The following STEAP3 variants were observed in gnomAD, a reference collection of about 807,000 sequenced individuals.
STEAP3 encodes STEAP3 metalloreductase, also known as metalloreductase STEAP3.
A neutral mutation model predicts 34.9 loss-of-function variants in STEAP3; 35 were observed. That is an observed-to-expected ratio of 1.00 (90% confidence interval 0.76 to 1.33). The LOEUF (loss-of-function observed/expected upper bound fraction) is 1.33. Among genes scored for constraint, STEAP3 ranks in the 40% most tolerant of loss-of-function variants. The pLI, the probability that STEAP3 is intolerant of heterozygous loss-of-function variation, is 0.00. For missense variants in STEAP3, 652 were observed against 667.6 expected (o/e 0.98, Z 0.26); for synonymous variants, 281 against 301.6 (o/e 0.93, Z 0.71).
At chr2:119,244,283 A>G (rs1167474715) in intron 2 of STEAP3, 1 of 146,582 alleles carries the variant, frequency 6.8e-6, no homozygotes, top group African/African-American at 2.5e-5. Flanking sequence ...TTGCTCTGTC[A>G]CCCAAACTGG....
At chr2:119,224,307 C>G (rs1222544239) in intron 1 of STEAP3, among the ~76,000 whole-genome samples, 1 of 152,220 alleles carries the variant, frequency 6.6e-6, no homozygotes, top group Non-Finnish European at 1.5e-5. Flanking sequence ...CTTCCAGGCT[C>G]TTCCTCGCCA....
intron 2 of STEAP3, among the ~76,000 whole-genome samples, chr2:119,238,347 G>A (rs1215088644): frequency 6.6e-6 from 1 of 152,216 alleles, no homozygotes; most frequent in African/African-American, 2.4e-5. Flanking sequence ...TAGTGGGTGT[G>A]AAGTGGTATC....
At chr2:119,240,020 CA>C (rs148134933) in intron 2 of STEAP3, among the ~76,000 whole-genome samples, 4 of 151,914 alleles carry the variant, frequency 2.6e-5, no homozygotes, top group African/African-American at 7.3e-5. Context: ...ACTGACCAGA[CA>C]AAAAAAATTT....
intron 1 of STEAP3, among the ~76,000 whole-genome samples, chr2:119,229,112 G>GC: frequency 6.6e-6 from 1 of 152,178 alleles, no homozygotes; most frequent in Middle Eastern, 3.4e-3. Context: ...CACTTAAACT[G>GC]CCCGGGCGAT....
At chr2:119,249,066 G>A (rs1284506447) in intron 4 of STEAP3, 2 of 152,384 alleles carry the variant, frequency 1.3e-5, no homozygotes, top group African/African-American at 4.8e-5. Flanking sequence ...TCTGGGGTTT[G>A]GGTCTGAGCA....
chr2:119,264,807 C>G lies in STEAP3; in HGVS notation c.*1469C>G, dbSNP rs767279407. On this transcript the variant is annotated 3_prime_UTR_variant, in exon 6 of 6. Coordinates refer to ENST00000393110, the MANE Select transcript of STEAP3 (RefSeq NM_182915.3). Reference sequence around the variant, plus strand: ...GTCACAGATGAGGCTGCCCCTGCCCCCCCCCCGCCAGGGAGGTTTCATGAG... The same window carrying G: ...GTCACAGATGAGGCTGCCCCTGCCCGCCCCCCGCCAGGGAGGTTTCATGAG... 5 of 127,340 alleles carry G rather than the reference C, an allele frequency of 3.9e-5. No homozygotes were observed. The highest frequency in any genetic ancestry group is 8.7e-5 in the African/African-American group (3 of 34,472). The allele number at this position is 127,340 out of a possible 1,614,324, so 7.9% of individuals were successfully genotyped here.
chr2:119,246,491 A>G (rs1417235530), intron 3 of STEAP3: 1 of 158,770 alleles, frequency 6.3e-6, no homozygotes, highest in African/African-American at 2.4e-5. Context: ...CGGAACAGCT[A>G]GAGCTGCATA....
rs370224151 is a variant in STEAP3 at position 119,245,544 on chromosome 2, C to T, written c.78C>T (p.Asp26=). 2.5e-6 allele frequency: 4 copies of T among 1,600,592 alleles called. No homozygotes were observed. Among genetic ancestry groups the T allele is most frequent in the Non-Finnish European group, 3.4e-6 (4 of 1,169,116 alleles). ...DKPLISLHLV[D]SDSSLAKVPD... is the part of the protein sequence containing the mutation. ...CACTGATCAGCCTCCACCTGGTGGACAGCGATAGTAGCCTTGCCAAGGTCC... is the reference window on the plus strand; with the variant it reads ...CACTGATCAGCCTCCACCTGGTGGATAGCGATAGTAGCCTTGCCAAGGTCC... Residue 26 remains aspartate (D), a synonymous_variant, in exon 3 of 6, where the codon GAC becomes GAT. Transcript: ENST00000393110.
intron 3 of STEAP3, chr2:119,246,371 A>C: frequency 1.0e-5 from 2 of 196,774 alleles, no homozygotes; most frequent in Non-Finnish European, 1.1e-5. Flanking sequence ...CCCGGCCCTG[A>C]GGAAGGCAGG....
intron 3 of STEAP3, chr2:119,246,355 T>C: frequency 4.0e-6 from 1 of 249,028 alleles, no homozygotes; most frequent in Non-Finnish European, 7.8e-6. Flanking sequence ...GTAACACACT[T>C]ATGTACCCGG....
In STEAP3 at chr2:119,229,343, G is replaced by A. The variant is rs1453372816; in HGVS notation, c.-393-1277G>A. Among the ~76,000 whole-genome samples the A allele has an allele frequency of 3.3e-5, 5 of 152,282 alleles. No individual in the cohort carries two copies. The South Asian group carries it at 6.2e-4, about 19-fold the overall frequency. ...TTATTAGTTCACCTAAGCAGAGAGC[G>A]ATGTGAGGGGCTGTGAGGATGTGCA... On this transcript the variant is annotated intron_variant, in intron 1 of 5. Transcript: ENST00000393110.
intron 4 of STEAP3, among the ~76,000 whole-genome samples, chr2:119,253,831 C>G (rs79096441): frequency 0.06 from 9,075 of 151,512 alleles, 376 homozygotes; most frequent in Non-Finnish European, 0.097. Context: ...GGTGGGGGGG[C>G]CCAGATCTCT....
chr2:119,232,653 C>T (rs1160016322), intron 2 of STEAP3, among the ~76,000 whole-genome samples: 1 of 152,178 alleles, frequency 6.6e-6, no homozygotes. Context: ...ATTTCAGATC[C>T]ATAAAATGGG....
At chr2:119,240,234 T>C (rs967467630) in intron 2 of STEAP3, among the ~76,000 whole-genome samples, 1 of 152,172 alleles carries the variant, frequency 6.6e-6, no homozygotes, top group Non-Finnish European at 1.5e-5. Flanking sequence ...TAAACAAAAA[T>C]TTAAAAAAAT....
chr2:119,230,972 T>G lies in STEAP3; in HGVS notation c.-41T>G. ...AGGGTGGCTCACCTCACGGTGAGGC[T>G]GTCGAGTGACCTGAGAGCCTCAGAC... On this transcript the variant is annotated 5_prime_UTR_variant, in exon 2 of 6. Coordinates refer to ENST00000393110, the MANE Select transcript of STEAP3 (RefSeq NM_182915.3). The G allele has an allele frequency of 3.1e-6, 5 of 1,614,168 alleles. No homozygotes were observed. Among genetic ancestry groups the G allele is most frequent in the Non-Finnish European group, 4.2e-6 (5 of 1,179,988 alleles).
At chr2:119,235,549 A>G (rs1677070614) in intron 2 of STEAP3, among the ~76,000 whole-genome samples, 1 of 152,252 alleles carries the variant, frequency 6.6e-6, no homozygotes, top group African/African-American at 2.4e-5. Context: ...CAGCACCAGC[A>G]ATTCTGGATG....
Position 119,247,815 on chromosome 2 carries a change from C to T in STEAP3, c.659C>T (p.Pro220Leu), listed in dbSNP as rs376309834. Residue 220 changes from proline (P) to leucine (L), a missense_variant, in exon 4 of 6, where the codon CCG becomes CTG. Coordinates refer to ENST00000393110, the MANE Select transcript of STEAP3 (RefSeq NM_182915.3). ...EVEAMPLRLLPAWKVPTLLAL... is the reference protein window; with the variant it reads ...EVEAMPLRLLLAWKVPTLLAL... ...GAGGCCATGCCCCTGCGCCTCCTCC[C>T]GGCCTGGAAGGTGCCCACCCTGCTG... The T allele has an allele frequency of 6.8e-6, 11 of 1,612,282 alleles. No homozygotes were observed. Among genetic ancestry groups the T allele is most frequent in the Non-Finnish European group, 8.5e-6 (10 of 1,179,994 alleles).
At chr2:119,255,787 G>A (rs1198359704) in intron 5 of STEAP3, among the ~76,000 whole-genome samples, 1 of 151,784 alleles carries the variant, frequency 6.6e-6, no homozygotes, top group Non-Finnish European at 1.5e-5. Context: ...TCTGGGAAAT[G>A]CTGCTAGTGG....
chr2:119,254,712 TGGA>T lies in STEAP3; in HGVS notation c.1088_1090del (p.Glu363del), dbSNP rs763660682. The stretch of plus-strand genomic sequence containing the variant: ...TTGGCCAACAAGAGCCACCTCTGGG[TGGA>T]GGAGGAGGTCTGGCGGATGGAGATC... On this transcript the variant is annotated inframe_deletion, in exon 5 of 6. Coordinates refer to ENST00000393110, the MANE Select transcript of STEAP3 (RefSeq NM_182915.3). 6 of 1,614,098 alleles carry T rather than the reference TGGA, an allele frequency of 3.7e-6. No individual in the cohort carries two copies. The highest frequency in any genetic ancestry group is 1.1e-5 in the South Asian group (1 of 91,074).
Sources: gnomAD v4.1 joint callset for allele counts (sites outside exome capture counted in the v4.1 genomes callset) on GRCh38, gnomAD v4.1.1 for gene constraint, MANE v1.5 for transcripts, NCBI Gene and HGNC (gene_info 2026-07-23, HGNC 2026-07-21) for gene names.